SPON1: variants seen among roughly 807,000 people sequenced by gnomAD.
SPON1 encodes spondin-1.
A neutral mutation model predicts 111.7 loss-of-function variants in SPON1; 52 were observed. The observed-to-expected ratio is 0.47, with a 90% CI of 0.37 to 0.59. The LOEUF is 0.59. SPON1 is among the 20% of genes least tolerant of loss of function. The pLI is 0.00. For synonymous variants in SPON1, 410 were observed against 395.8 expected, an observed-to-expected ratio of 1.04 and a Z score of -0.43; for missense variants, 957 against 1,068.5, an observed-to-expected ratio of 0.90 and a Z score of 1.46.
At chr11:13,991,120 G>A (rs997535195) in intron 2 of SPON1, among the ~76,000 whole-genome samples, 1 of 152,162 alleles carries the variant, frequency 6.6e-6, no homozygotes, top group African/African-American at 2.4e-5. Flanking sequence ...ATGTTGGCCT[G>A]TCTTGCTAGG....
intron 6 of SPON1, among the ~76,000 whole-genome samples, chr11:14,221,235 G>T (rs143854256): frequency 1.2e-4 from 18 of 152,304 alleles, no homozygotes; most frequent in African/African-American, 4.1e-4. Context: ...GAGGGTCAAG[G>T]CTTATTGAGA....
intron 2 of SPON1, among the ~76,000 whole-genome samples, chr11:13,992,777 G>A (rs986752515): frequency 6.6e-6 from 1 of 152,076 alleles, no homozygotes; most frequent in Non-Finnish European, 1.5e-5. Context: ...CTCAGGCTCA[G>A]TCCCTCATGG....
chr11:14,205,314 T>C (rs1331215321), intron 6 of SPON1, among the ~76,000 whole-genome samples: 3 of 152,168 alleles, frequency 2.0e-5, no homozygotes, highest in African/African-American at 7.2e-5. Context: ...GAATATAGAG[T>C]CCCTGTCTTA....
chr11:14,262,572 TCA>T (rs1318673033), intron 14 of SPON1, 138 bp from the exon 15 acceptor site: 52 of 1,156,556 alleles, frequency 4.5e-5, no homozygotes, highest in African/African-American at 1.2e-4. Flanking sequence ...CTTTGGAGCC[TCA>T]GTTTCTTCTT....
At chr11:14,205,307 T>C (rs1554936079) in intron 6 of SPON1, among the ~76,000 whole-genome samples, 2 of 152,218 alleles carry the variant, frequency 1.3e-5, no homozygotes, top group Admixed American at 6.5e-5. Flanking sequence ...ACTCATAGAA[T>C]ATAGAGTCCC....
intron 6 of SPON1, among the ~76,000 whole-genome samples, chr11:14,185,000 A>T (rs1848271462): frequency 6.6e-6 from 1 of 152,192 alleles, no homozygotes; most frequent in Non-Finnish European, 1.5e-5. Context: ...ATCAGTCCAC[A>T]CTACCCCATC....
intron 6 of SPON1, among the ~76,000 whole-genome samples, chr11:14,143,720 G>A (rs1847685478): frequency 6.6e-6 from 1 of 152,178 alleles, no homozygotes; most frequent in Non-Finnish European, 1.5e-5. Context: ...GGGCACTGAA[G>A]AGAGAAGAAG....
chr11:14,072,764 G>A (rs1848887004), intron 3 of SPON1, among the ~76,000 whole-genome samples: 1 of 152,178 alleles, frequency 6.6e-6, no homozygotes, highest in African/African-American at 2.4e-5. Context: ...TGGGAGCTCT[G>A]TCCACTGCAG....
Position 14,176,112 on chromosome 11 carries a change from A to G in SPON1, c.825+40544A>G, listed in dbSNP as rs191221452. ...GCAAAGAGCAGACAGGCACTCCGAG[A>G]CAGGCCTGTTAAGCCCTCTTTAGGG... On this transcript the variant is annotated intron_variant, in intron 6 of 15. Coordinates refer to ENST00000576479, the MANE Select transcript of SPON1 (RefSeq NM_006108.4). Among the ~76,000 whole-genome samples the G allele has an allele frequency of 8.4e-3, 1,281 of 152,186 alleles. 16 individuals are homozygous for G. Among genetic ancestry groups the G allele is most frequent in the South Asian group, 0.041 (198 of 4,806 alleles).
In SPON1 at chr11:14,054,887, C is replaced by A. The variant is rs1022322946; in HGVS notation, c.479+13233C>A. On this transcript the variant is annotated intron_variant, in intron 3 of 15. Transcript: ENST00000576479. ...TTGTACAGGCTCACAGTGTGCAAAT[C>A]GGTCTCAAAGTATAAAATTAAACAC... Among the ~76,000 whole-genome samples, 7 of 152,270 alleles carry A rather than the reference C, an allele frequency of 4.6e-5. No homozygotes were observed. In the East Asian group the frequency reaches 1.4e-3, roughly 29 times the overall value.
intron 3 of SPON1, among the ~76,000 whole-genome samples, chr11:14,072,559 G>A (rs561990594): frequency 1.3e-5 from 2 of 152,064 alleles, no homozygotes; most frequent in African/African-American, 4.8e-5. Flanking sequence ...TTGAAGAGGT[G>A]TTCACACAAG....
Position 14,037,527 on chromosome 11 carries a change from T to TAG in SPON1, c.346-3992_346-3991dup, listed in dbSNP as rs1554916783. Reference sequence around the variant, plus strand: ...GCTGAAACAACTGCATATCCACATGTAGAAAAAAAAAAAGAATCTAGACAT... The same window carrying TAG: ...GCTGAAACAACTGCATATCCACATGTAGAGAAAAAAAAAAAGAATCTAGACAT... On this transcript the variant is annotated intron_variant, in intron 2 of 15. Transcript: ENST00000576479. 1.4e-3 allele frequency among the ~76,000 whole-genome samples: 13 copies of TAG among 9,320 alleles called. No homozygotes were observed. In the East Asian group the frequency reaches 0.033, roughly 23 times the overall value. The allele number at this position is 9,320 out of a possible 152,430, so 6.1% of individuals were successfully genotyped here. A position where few individuals can be genotyped will look rare whatever the true frequency, so the allele number is the denominator to read the frequency against.
intron 6 of SPON1, among the ~76,000 whole-genome samples, chr11:14,212,720 T>A (rs1554936840): frequency 6.6e-6 from 1 of 152,230 alleles, no homozygotes; most frequent in African/African-American, 2.4e-5. Flanking sequence ...TTCCTAATGC[T>A]GTTTGTCTCC....
intron 6 of SPON1, among the ~76,000 whole-genome samples, chr11:14,157,288 G>C (rs1847859596): frequency 2.0e-5 from 3 of 151,928 alleles, no homozygotes; most frequent in Admixed American, 2.0e-4. Flanking sequence ...TCTTTATTTT[G>C]TCTTTATTTT....
At chr11:14,253,520 C>T (rs892319430) in intron 7 of SPON1, among the ~76,000 whole-genome samples, 9 of 152,224 alleles carry the variant, frequency 5.9e-5, no homozygotes, top group African/African-American at 9.6e-5. Context: ...AGGCCCCAGT[C>T]GGGTCTGCAG....
At chr11:14,178,041 CACAA>C (rs1439305304) in intron 6 of SPON1, among the ~76,000 whole-genome samples, 10 of 146,260 alleles carry the variant, frequency 6.8e-5, no homozygotes, top group Admixed American at 4.7e-4. Context: ...AAAACACACA[CACAA>C]ACACACACAC....
intron 5 of SPON1, among the ~76,000 whole-genome samples, chr11:14,104,434 T>C (rs1554924708): frequency 6.6e-6 from 1 of 152,084 alleles, no homozygotes; most frequent in Non-Finnish European, 1.5e-5. Context: ...CTGTCTTCTT[T>C]TTAATTTGAT....
At chr11:14,218,096 A>G (rs2133905169) in intron 6 of SPON1, among the ~76,000 whole-genome samples, 1 of 152,350 alleles carries the variant, frequency 6.6e-6, no homozygotes, top group East Asian at 1.9e-4. Context: ...TATCATATTC[A>G]TATTACACTA....
intron 6 of SPON1, among the ~76,000 whole-genome samples, chr11:14,158,519 C>G (rs1847874708): frequency 6.6e-6 from 1 of 152,130 alleles, no homozygotes; most frequent in Non-Finnish European, 1.5e-5. Flanking sequence ...ATTTTCTCTC[C>G]CCAGTCTTAT....
Sources: allele counts gnomAD v4.1 joint callset (sites outside exome capture counted in the v4.1 genomes callset), GRCh38; gene constraint gnomAD v4.1.1; transcripts MANE v1.5; gene names NCBI Gene and HGNC (gene_info 2026-07-23, HGNC 2026-07-21).